RIMBP2: variants seen among roughly 807,000 people sequenced by gnomAD.
RIMBP2 encodes RIMS-binding protein 2.
A neutral mutation model predicts 118.6 loss-of-function variants in RIMBP2; 48 were observed. The ratio of observed to expected loss-of-function variants is 0.40; its 90% CI spans 0.32 to 0.51. The LOEUF is 0.51. Ranked by LOEUF, RIMBP2 falls within the 20% of genes least tolerant of loss-of-function variation. The pLI, the probability that RIMBP2 is intolerant of heterozygous loss-of-function variation, is 0.41. For missense variants in RIMBP2, 1,551 were observed against 1,768.3 expected (o/e 0.88, Z 2.20); for synonymous variants, 762 against 742.9 (o/e 1.03, Z -0.42).
At chr12:130,569,039 G>A (rs576939945) in intron 2 of RIMBP2, among the ~76,000 whole-genome samples, 1 of 151,998 alleles carries the variant, frequency 6.6e-6, no homozygotes, top group East Asian at 1.9e-4. Context: ...GGAGCAGACA[G>A]GACATCCTCA....
rs571866282 is a variant in RIMBP2, at chr12:130,673,874, C to T, written c.-352+42348G>A. On this transcript the variant is annotated intron_variant, in intron 1 of 22. Coordinates refer to ENST00000690449, the MANE Select transcript of RIMBP2 (RefSeq NM_001393629.1). Reference sequence around the variant, plus strand: ...CTATAATCCCAGCCCTTTGGAAGGCCGAGGCAGGTGGATCACCTGAGGTCA... The same window carrying T: ...CTATAATCCCAGCCCTTTGGAAGGCTGAGGCAGGTGGATCACCTGAGGTCA... Among the ~76,000 whole-genome samples, 11 of 151,634 alleles carry T rather than the reference C, an allele frequency of 7.3e-5. No homozygotes were observed. In the South Asian group the frequency reaches 1.3e-3, roughly 17 times the overall value.
At chr12:130,463,675 G>A (rs117769103) in intron 6 of RIMBP2, among the ~76,000 whole-genome samples, 2,968 of 152,050 alleles carry the variant, frequency 0.02, 87 homozygotes, top group East Asian at 0.16. Context: ...CAGGCTCACC[G>A]GGTCACTTGA....
At chr12:130,651,969 C>T (rs1293722586) in intron 1 of RIMBP2, among the ~76,000 whole-genome samples, 1 of 152,160 alleles carries the variant, frequency 6.6e-6, no homozygotes, top group Non-Finnish European at 1.5e-5. Context: ...TTTGCTGGTT[C>T]TGCTGTTGTC....
chr12:130,504,758 T>C (rs1328580546), intron 4 of RIMBP2, among the ~76,000 whole-genome samples: 2 of 151,932 alleles, frequency 1.3e-5, no homozygotes, highest in Non-Finnish European at 2.9e-5. Context: ...CTGAGCTCAG[T>C]ACCACTGACA....
intron 1 of RIMBP2, among the ~76,000 whole-genome samples, chr12:130,713,211 T>A (rs865944785): frequency 1.9e-4 from 19 of 98,092 alleles, no homozygotes; most frequent in East Asian, 3.2e-4. Flanking sequence ...GGAAGGAAGA[T>A]AGGAAGGAAG....
intron 5 of RIMBP2, chr12:130,471,760 G>A (rs1177296009): frequency 6.6e-6 from 1 of 152,434 alleles, no homozygotes; most frequent in Non-Finnish European, 1.5e-5. Flanking sequence ...CTCCTGGATA[G>A]CGGATCCTCT....
intron 1 of RIMBP2, among the ~76,000 whole-genome samples, chr12:130,637,645 G>A (rs1233563470): frequency 6.6e-6 from 1 of 152,234 alleles, no homozygotes; most frequent in African/African-American, 2.4e-5. Flanking sequence ...TCTGCCGGGA[G>A]CAAAGGGATT....
At chr12:130,595,060 G>A (rs1158681824) in intron 2 of RIMBP2, among the ~76,000 whole-genome samples, 2 of 152,202 alleles carry the variant, frequency 1.3e-5, no homozygotes, top group African/African-American at 4.8e-5. Context: ...GGCACTAGCA[G>A]ATATTACCCC....
intron 4 of RIMBP2, among the ~76,000 whole-genome samples, chr12:130,485,582 A>AT (rs1473240346): frequency 6.6e-6 from 1 of 152,178 alleles, no homozygotes. Flanking sequence ...ATTCTGGCTA[A>AT]TTTTGTGCTT....
chr12:130,566,158 CCAATTTATACA>C (rs1382620431), intron 2 of RIMBP2, among the ~76,000 whole-genome samples: 2 of 150,340 alleles, frequency 1.3e-5, no homozygotes, highest in Non-Finnish European at 2.9e-5. Context: ...AAATTTGTTG[CCAATTTATACA>C]CACATGCACA....
At chr12:130,538,295 G>GA (rs35801626) in intron 2 of RIMBP2, among the ~76,000 whole-genome samples, 28,632 of 150,998 alleles carry the variant, frequency 0.19, 3,408 homozygotes, top group African/African-American at 0.34. Context: ...CTTCACAGTG[G>GA]AAAAAAAAAT....
chr12:130,641,614 C>T (rs1335062090), intron 1 of RIMBP2, among the ~76,000 whole-genome samples: 2 of 152,230 alleles, frequency 1.3e-5, no homozygotes, highest in African/African-American at 4.8e-5. Context: ...GGGCAGAGAG[C>T]CCCTCATTAG....
In RIMBP2 at chr12:130,432,239, G is replaced by A. The variant is rs528251031; in HGVS notation, c.2253+2495C>T. The A allele has an allele frequency of 3.6e-4, 166 of 456,558 alleles. 1 individual carries two copies. The highest frequency in any genetic ancestry group is 2.4e-3 in the South Asian group (156 of 64,560). The allele number at this position is 456,558 out of a possible 1,614,324, so 28.3% of individuals were successfully genotyped here. On this transcript the variant is annotated intron_variant, in intron 14 of 22. Transcript: ENST00000690449. ...TGGAAACAGGTCTTCTTCAGGCCTCGGTTCAATCTAATTCCAGCTCTGTTA... is the reference window on the plus strand; with the variant it reads ...TGGAAACAGGTCTTCTTCAGGCCTCAGTTCAATCTAATTCCAGCTCTGTTA...
rs1389087883 is a variant in RIMBP2, at chr12:130,419,613, A to C, written c.3238+2840T>G. 1 of 152,236 alleles carries C rather than the reference A, an allele frequency of 6.6e-6. No homozygotes were observed. Among genetic ancestry groups the C allele is most frequent in the Non-Finnish European group, 1.5e-5 (1 of 68,042 alleles). 9.4% of individuals were successfully genotyped at this position (152,236 alleles called of 1,614,324 possible). Reference sequence around the variant, plus strand: ...GCAAAGCTTTGTCAATAGAGTTACTAATGTTTTTATTTTTCCTCCCTGGAC... The same window carrying C: ...GCAAAGCTTTGTCAATAGAGTTACTCATGTTTTTATTTTTCCTCCCTGGAC... On this transcript the variant is annotated intron_variant, in intron 17 of 22. Coordinates refer to ENST00000690449, the MANE Select transcript of RIMBP2 (RefSeq NM_001393629.1). This position sits in a 1 kb window ranked among gnomAD's most constrained non-coding sequence, Gnocchi z 4.3.
chr12:130,563,492 G>C (rs1485193437), intron 2 of RIMBP2, among the ~76,000 whole-genome samples: 1 of 152,236 alleles, frequency 6.6e-6, no homozygotes, highest in East Asian at 1.9e-4. Flanking sequence ...GCTGTTCAAA[G>C]GAATGGCCCA....
Position 130,422,477 on chromosome 12 carries a change from G to A in RIMBP2, c.3214C>T (p.Arg1072Trp), listed in dbSNP as rs150831316. ...CCGATGGATGGGACTGTCACGGGCC[G>A]GGACCTCTGAGGACCAGCGCTGCCA... The part of the protein sequence containing the change: ...PRGSAGPQRS[R>W]PVTVPSIDDY... Residue 1072 changes from arginine to tryptophan, a missense_variant, in exon 17 of 23, where the codon CGG becomes TGG. Arg to Trp is a moderately radical substitution (Grantham distance 101). Coordinates refer to ENST00000690449, the MANE Select transcript of RIMBP2 (RefSeq NM_001393629.1). The surrounding 1 kb of genome is among the most constrained non-coding windows in gnomAD (Gnocchi z 5.2). The A allele has an allele frequency of 2.9e-5, 47 of 1,612,364 alleles. No homozygotes were observed. The highest frequency in any genetic ancestry group is 1.6e-4 in the East Asian group (7 of 44,834).
chr12:130,574,105 G>A (rs1035055721), intron 2 of RIMBP2, among the ~76,000 whole-genome samples: 4 of 152,078 alleles, frequency 2.6e-5, no homozygotes, highest in Non-Finnish European at 5.9e-5. Flanking sequence ...CCCTTCAGAG[G>A]GATTTAGAGT....
At chr12:130,649,426 G>T (rs1200371784) in intron 1 of RIMBP2, among the ~76,000 whole-genome samples, 1 of 152,218 alleles carries the variant, frequency 6.6e-6, no homozygotes, top group Non-Finnish European at 1.5e-5. Flanking sequence ...TGGGAAGGGC[G>T]GCGCCTTCCC....
chr12:130,431,359 C>T lies in RIMBP2; in HGVS notation c.2254-3022G>A. ...GGAAGCGGATGGTCAGGGAACACTT[C>T]CCGGGTTGTAAAACTGGCAGTCTGT... On this transcript the variant is annotated intron_variant, in intron 14 of 22. Coordinates refer to ENST00000690449, the MANE Select transcript of RIMBP2 (RefSeq NM_001393629.1). This position sits in a 1 kb window ranked among gnomAD's most constrained non-coding sequence, Gnocchi z 4.0. 1 of 356,262 alleles carries T rather than the reference C, an allele frequency of 2.8e-6. No homozygotes were observed. The highest frequency in any genetic ancestry group is 5.9e-6 in the Non-Finnish European group (1 of 169,134). The allele number at this position is 356,262 out of a possible 1,614,324, so 22.1% of individuals were successfully genotyped here.
Sources: gnomAD v4.1 joint callset for allele counts (sites outside exome capture counted in the v4.1 genomes callset) on GRCh38, gnomAD v4.1.1 for gene constraint, Gnocchi (gnomAD v3.1) non-coding constraint, MANE v1.5 for transcripts, NCBI Gene and HGNC (gene_info 2026-07-23, HGNC 2026-07-21) for gene names.